The following RUNX2 variants were observed in gnomAD, a reference collection of about 807,000 sequenced individuals.
RUNX2 encodes the protein runt-related transcription factor 2.
Under a neutral mutation model 51.7 loss-of-function variants are expected in RUNX2, and 10 were observed. That is an observed-to-expected ratio of 0.19 (90% CI 0.12 to 0.33). The LOEUF (loss-of-function observed/expected upper bound fraction) is 0.33. Among genes scored for constraint, RUNX2 ranks in the 10% least tolerant of loss-of-function variants. RUNX2 has a pLI of 1.00. For synonymous variants in RUNX2, 276 were observed against 273.6 expected (o/e 1.01, Z -0.09); for missense variants, 562 against 691.3 (o/e 0.81, Z 2.10).
rs1307165060 is a variant in RUNX2 at position 45,400,020 on chromosome 6, AGGAG to A, written c.59-22561_59-22558del. Among the ~76,000 whole-genome samples the A allele has an allele frequency of 5.2e-5, 7 of 135,738 alleles. No individual in the cohort carries two copies. The East Asian group carries it at 7.9e-4, about 15-fold the overall frequency. The allele number at this position is 135,738 out of a possible 152,430, so 89.0% of individuals were successfully genotyped here. ...AGGGAGGGAAGAAAGGAAGGAAAGAAGGAGGGAGGGAGGGAAGGAAAGAAGGAAA... is the reference window on the plus strand; with the variant it reads ...AGGGAGGGAAGAAAGGAAGGAAAGAAGGAGGGAGGGAAGGAAAGAAGGAAA... On this transcript the variant is annotated intron_variant, in intron 2 of 8. Coordinates refer to ENST00000647337, the MANE Select transcript of RUNX2 (RefSeq NM_001024630.4).
At chr6:45,331,572 A>C (rs1787520631) in intron 2 of RUNX2, among the ~76,000 whole-genome samples, 1 of 152,040 alleles carries the variant, frequency 6.6e-6, no homozygotes, top group African/African-American at 2.4e-5. Context: ...AAAATGTCAA[A>C]GTAATTCCCA....
intron 5 of RUNX2, among the ~76,000 whole-genome samples, chr6:45,486,769 C>T (rs779391959): frequency 2.8e-4 from 43 of 152,170 alleles, no homozygotes; most frequent in Admixed American, 1.0e-3. Context: ...TGGGGAGCCA[C>T]GTAGCTCTCC....
At position 45,423,264 on chromosome 6, in the gene RUNX2, G is replaced by A. The variant is rs1239226497; in HGVS notation, c.423+307G>A. On this transcript the variant is annotated intron_variant, in intron 3 of 8. Transcript: ENST00000647337. ...GGCCTTGATTCTCACTCACTCCTTC[G>A]CGCCGTCTCCCTTTCCCCCAGGATC... 2.6e-5 allele frequency among the ~76,000 whole-genome samples: 4 copies of A among 151,966 alleles called. 1 individual carries two copies. The highest frequency in any genetic ancestry group is 6.5e-5 in the Admixed American group (1 of 15,274).
At chr6:45,394,831 T>G (rs998938487) in intron 2 of RUNX2, among the ~76,000 whole-genome samples, 3 of 152,208 alleles carry the variant, frequency 2.0e-5, no homozygotes, top group African/African-American at 7.2e-5. Context: ...CAGAACAAAG[T>G]GCTCTGAGCA....
At position 45,343,837 on chromosome 6, in the gene RUNX2, C is replaced by G. The variant is rs565636691; in HGVS notation, c.58+15053C>G. On this transcript the variant is annotated intron_variant, in intron 2 of 8. Transcript: ENST00000647337. ...AAAACCATTTGGCTCCAACTACTCA[C>G]CTTCTAGGTGCTTAAAATCATGCTT... 3.3e-5 allele frequency among the ~76,000 whole-genome samples: 5 copies of G among 152,310 alleles called. No homozygotes were observed. The East Asian group carries it at 9.6e-4, about 29-fold the overall frequency.
chr6:45,376,255 T>C (rs1796760218), intron 2 of RUNX2, among the ~76,000 whole-genome samples: 1 of 152,212 alleles, frequency 6.6e-6, no homozygotes, highest in African/African-American at 2.4e-5. Flanking sequence ...AAAGGCATTA[T>C]TTGAATATAA....
intron 7 of RUNX2, among the ~76,000 whole-genome samples, chr6:45,532,442 T>G (rs1801889043): frequency 1.3e-5 from 2 of 152,124 alleles, no homozygotes; most frequent in South Asian, 4.1e-4. Context: ...TCCACCGTGA[T>G]CACCCTGTGA....
chr6:45,504,532 G>T lies in RUNX2; in HGVS notation c.860-7714G>T, dbSNP rs370011015. 3.3e-5 allele frequency among the ~76,000 whole-genome samples: 5 copies of T among 152,184 alleles called. No homozygotes were observed. In the East Asian group the frequency reaches 7.7e-4, roughly 23 times the overall value. ...AGTTTCCTGTTAGTCAAGAGAACCA[G>T]AAATGAGTGAAGAAAGCTCATTCTA... On this transcript the variant is annotated intron_variant, in intron 6 of 8. Coordinates refer to ENST00000647337, the MANE Select transcript of RUNX2 (RefSeq NM_001024630.4).
At chr6:45,356,252 A>G (rs1254745553) in intron 2 of RUNX2, among the ~76,000 whole-genome samples, 1 of 152,120 alleles carries the variant, frequency 6.6e-6, no homozygotes, top group Non-Finnish European at 1.5e-5. Flanking sequence ...TGTCCAAAAA[A>G]GATATATTTG....
At chr6:45,364,097 AGAGT>A (rs1319640100) in intron 2 of RUNX2, among the ~76,000 whole-genome samples, 1 of 146,446 alleles carries the variant, frequency 6.8e-6, no homozygotes, top group Admixed American at 7.0e-5. Context: ...CCTGGGCAAC[AGAGT>A]GAGACTCTGT....
intron 4 of RUNX2, 90 bp downstream of exon 4, chr6:45,432,109 C>A: frequency 8.2e-7 from 1 of 1,212,792 alleles, no homozygotes; most frequent in Non-Finnish European, 1.2e-6. Context: ...AAATCAGCAC[C>A]TTCTTTTTCT....
intron 6 of RUNX2, among the ~76,000 whole-genome samples, chr6:45,494,221 G>A (rs1444955877): frequency 3.3e-5 from 5 of 152,206 alleles, no homozygotes; most frequent in African/African-American, 1.2e-4. Context: ...ATGCATCTGA[G>A]CAGATCGAGA....
chr6:45,541,116 A>G (rs935930775), intron 7 of RUNX2, among the ~76,000 whole-genome samples: 4 of 152,110 alleles, frequency 2.6e-5, no homozygotes, highest in Non-Finnish European at 4.4e-5. Context: ...AGAGTTCCCA[A>G]TCCTTAGACT....
chr6:45,477,012 A>G (rs1357037110), intron 5 of RUNX2, among the ~76,000 whole-genome samples: 1 of 152,018 alleles, frequency 6.6e-6, no homozygotes, highest in Non-Finnish European at 1.5e-5. Context: ...AATGAAGGAG[A>G]GTTATCCTTT....
At chr6:45,379,204 A>T (rs111260664) in intron 2 of RUNX2, among the ~76,000 whole-genome samples, 7 of 152,322 alleles carry the variant, frequency 4.6e-5, no homozygotes, top group Non-Finnish European at 1.0e-4. Context: ...GAATAGATAT[A>T]TTTAGGATGT....
chr6:45,530,697 T>C (rs1704682313), intron 7 of RUNX2, among the ~76,000 whole-genome samples: 1 of 152,192 alleles, frequency 6.6e-6, no homozygotes, highest in African/African-American at 2.4e-5. Flanking sequence ...GGAGGGCACC[T>C]TGAACTCTTC....
chr6:45,391,490 C>T (rs774426908), intron 2 of RUNX2, among the ~76,000 whole-genome samples: 21 of 152,102 alleles, frequency 1.4e-4, no homozygotes, highest in Non-Finnish European at 2.6e-4. Context: ...ATAAATTACC[C>T]AGCCTCAGGT....
Position 45,550,643 on chromosome 6 carries a change from T to G in RUNX2, c.*3338T>G, listed in dbSNP as rs1802537158. 1 of 152,706 alleles carries G rather than the reference T, an allele frequency of 6.5e-6. No homozygotes were observed. The highest frequency in any genetic ancestry group is 2.1e-4 in the South Asian group (1 of 4,836). The allele number at this position is 152,706 out of a possible 1,614,324, so 9.5% of individuals were successfully genotyped here. A position where few individuals can be genotyped will look rare whatever the true frequency, so the allele number is the denominator to read the frequency against. On this transcript the variant is annotated 3_prime_UTR_variant, in exon 9 of 9. Coordinates refer to ENST00000647337, the MANE Select transcript of RUNX2 (RefSeq NM_001024630.4). ...AAAAATATTTTCTATGTGAGAATTT[T>G]TTAGATGTGTGTTTACTTCATGTTT... is the stretch of plus-strand genomic sequence containing the variant.
chr6:45,393,045 T>C (rs1340905178), intron 2 of RUNX2, among the ~76,000 whole-genome samples: 1 of 152,158 alleles, frequency 6.6e-6, no homozygotes, highest in East Asian at 1.9e-4. Context: ...GTATTTCCTT[T>C]TATTGTTTCC....
Sources: allele counts gnomAD v4.1 joint callset (sites outside exome capture counted in the v4.1 genomes callset), GRCh38; gene constraint gnomAD v4.1.1; transcripts MANE v1.5; gene names NCBI Gene and HGNC (gene_info 2026-07-23, HGNC 2026-07-21).